COA1: variants seen among roughly 807,000 people sequenced by gnomAD.
The protein encoded by COA1 is cytochrome c oxidase assembly factor 1, also known as cytochrome c oxidase assembly factor 1 homolog.
Under a neutral mutation model 16.0 loss-of-function variants are expected in COA1, and 13 were observed. The observed-to-expected ratio is 0.81, with a 90% confidence interval of 0.53 to 1.29. COA1 has a LOEUF of 1.29. Among genes scored for constraint, COA1 ranks in the 50% most tolerant of loss-of-function variants. The pLI, the probability that COA1 is intolerant of heterozygous loss-of-function variation, is 0.00. For synonymous variants in COA1, 65 were observed against 65.7 expected, an observed-to-expected ratio of 0.99 and a Z score of 0.05; for missense variants, 179 against 177.0, an observed-to-expected ratio of 1.01 and a Z score of -0.06.
chr7:43,640,511 G>C, intron 5 of COA1, 62 bp downstream of exon 5: 1 of 1,092,978 alleles, frequency 9.1e-7, no homozygotes, highest in Non-Finnish European at 1.4e-6. Context: ...AACGGAGTTG[G>C]GGTTGCTTTC....
intron 5 of COA1, 106 bp from the exon 6 acceptor site, chr7:43,639,787 AT>A: frequency 1.3e-6 from 1 of 775,422 alleles, no homozygotes; most frequent in Non-Finnish European, 2.1e-6. Flanking sequence ...AATGCCTTAA[AT>A]TTTTTTAAAC....
At chr7:43,636,392 C>G (rs898665773), downstream of COA1, among the ~76,000 whole-genome samples, 1 of 152,210 alleles carries the variant, frequency 6.6e-6, no homozygotes, top group Non-Finnish European at 1.5e-5. Context: ...GCCCAAGCAT[C>G]CCAATGAGCA....
intron 4 of COA1, among the ~76,000 whole-genome samples, chr7:43,644,791 C>CAGACAGACAGACAGAGAGAG (rs1563229816): frequency 4.2e-5 from 1 of 23,702 alleles, no homozygotes. Context: ...GGCAGGCAGG[C>CAGACAGACAGACAGAGAGAG]AGAGAGACAG....
intron 1 of COA1, among the ~76,000 whole-genome samples, chr7:43,687,970 T>C (rs2094116788): frequency 6.6e-6 from 1 of 152,142 alleles, no homozygotes; most frequent in Non-Finnish European, 1.5e-5. Context: ...GCTGTGCTAT[T>C]CTCTTGATAG....
chr7:43,690,747 G>A (rs1445824166), intron 1 of COA1, among the ~76,000 whole-genome samples: 1 of 152,112 alleles, frequency 6.6e-6, no homozygotes, highest in East Asian at 1.9e-4. Flanking sequence ...GGCAGAGATT[G>A]TCCTAATGAA....
intron 1 of COA1, among the ~76,000 whole-genome samples, chr7:43,727,581 T>C (rs1475280725): frequency 6.6e-6 from 1 of 152,136 alleles, no homozygotes; most frequent in Non-Finnish European, 1.5e-5. Context: ...TGAACATGAA[T>C]GTTAAGTAAA....
rs191814814 is a variant in COA1, at chr7:43,688,887, T to C, written c.-38-40235A>G. Among the ~76,000 whole-genome samples, 470 of 152,362 alleles carry C rather than the reference T, an allele frequency of 3.1e-3. 2 individuals are homozygous for C. Among genetic ancestry groups the C allele is most frequent in the Middle Eastern group, 0.017 (5 of 294 alleles). On this transcript the variant is annotated intron_variant, in intron 1 of 5. Transcript: ENST00000223336. ...TTTCACTAATCTTAATATAGTGATATGGCTACATCTTGCTACAAAAAGAAC... is the reference window on the plus strand; with the variant it reads ...TTTCACTAATCTTAATATAGTGATACGGCTACATCTTGCTACAAAAAGAAC...
At chr7:43,708,184 A>C (rs1456843466) in intron 1 of COA1, among the ~76,000 whole-genome samples, 2 of 152,222 alleles carry the variant, frequency 1.3e-5, no homozygotes, top group Non-Finnish European at 2.9e-5. Context: ...AGCCTGGGCA[A>C]CAGAGCAACA....
At chr7:43,724,010 G>A (rs2095561438) in intron 1 of COA1, among the ~76,000 whole-genome samples, 1 of 152,128 alleles carries the variant, frequency 6.6e-6, no homozygotes, top group African/African-American at 2.4e-5. Context: ...TATTTAGTCT[G>A]AATTGCAATA....
chr7:43,655,834 G>A (rs1044975245), intron 1 of COA1, among the ~76,000 whole-genome samples: 15 of 152,154 alleles, frequency 9.9e-5, no homozygotes, highest in Non-Finnish European at 2.1e-4. Context: ...CCACTTTAAG[G>A]AGGCTTGGCA....
At chr7:43,659,436 T>C (rs1321968126) in intron 1 of COA1, among the ~76,000 whole-genome samples, 1 of 152,164 alleles carries the variant, frequency 6.6e-6, no homozygotes, top group African/African-American at 2.4e-5. Context: ...TCAAGGCCAT[T>C]CTCTTGTAGA....
At chr7:43,608,684 A>T (rs1386089239) in exon 7 of COA1, 1 of 235,744 alleles carries the variant, frequency 4.2e-6, no homozygotes, top group Non-Finnish European at 8.1e-6. Flanking sequence ...TAGGATTTAG[A>T]TAAGTTGAGA....
intron 1 of COA1, among the ~76,000 whole-genome samples, chr7:43,656,562 G>A (rs1399133768): frequency 6.6e-6 from 1 of 152,118 alleles, no homozygotes; most frequent in Non-Finnish European, 1.5e-5. Context: ...TGGGCATGGT[G>A]GCGCAGCCCT....
chr7:43,701,532 G>A (rs2131390353), intron 1 of COA1, among the ~76,000 whole-genome samples: 1 of 152,296 alleles, frequency 6.6e-6, no homozygotes, highest in Middle Eastern at 3.4e-3. Context: ...GCACCTGGGT[G>A]CCCATATCTT....
In COA1 at chr7:43,645,245, C is replaced by T. The variant is rs1169261060; in HGVS notation, c.264+6G>A. The stretch of plus-strand genomic sequence containing the variant: ...CAGCCTGCGGTTCGCAGGGAAAGCA[C>T]ATTACCTTGGCATCAACAATGTCCA... On this transcript the variant is annotated splice_donor_region_variant and intron_variant, in intron 4 of 5. Transcript: ENST00000223336. 1 of 1,613,820 alleles carries T rather than the reference C, an allele frequency of 6.2e-7. No individual in the cohort carries two copies. The highest frequency in any genetic ancestry group is 8.5e-7 in the Non-Finnish European group (1 of 1,179,848).
intron 4 of COA1, among the ~76,000 whole-genome samples, chr7:43,644,817 G>GAGAGAGAGAGAGAGAGAGAGACAGAGAC (rs1245137600): frequency 7.9e-6 from 1 of 126,614 alleles, no homozygotes; most frequent in Non-Finnish European, 1.9e-5. Flanking sequence ...GAGAGAGAGA[G>GAGAGAGAGAGAGAGAGAGAGACAGAGAC]AGAGAGAGAG....
chr7:43,610,759 T>C (rs1407730301), intron 6 of COA1, among the ~76,000 whole-genome samples: 3 of 152,114 alleles, frequency 2.0e-5, no homozygotes, highest in Admixed American at 2.0e-4. Context: ...AATTCATATA[T>C]GTATATATTT....
At chr7:43,720,578 A>G (rs1041454839) in intron 1 of COA1, among the ~76,000 whole-genome samples, 10 of 152,212 alleles carry the variant, frequency 6.6e-5, no homozygotes, top group African/African-American at 1.9e-4. Flanking sequence ...TGGCAGATCA[A>G]TTAGGAAGCA....
chr7:43,645,401 T>C lies in COA1; in HGVS notation c.116-2A>G. On this transcript the variant is annotated splice_acceptor_variant, in intron 3 of 5. Transcript: ENST00000223336. LOFTEE classifies it high-confidence loss of function. ...AATATAAAGCCCTGGAATGAAACTCTAAGGACGAAAGACACACTTATTTTC... is the reference window on the plus strand; with the variant it reads ...AATATAAAGCCCTGGAATGAAACTCCAAGGACGAAAGACACACTTATTTTC... 6.2e-7 allele frequency: 1 copy of C among 1,613,788 alleles called. No homozygotes were observed. Among genetic ancestry groups the C allele is most frequent in the African/African-American group, 1.3e-5 (1 of 75,032 alleles).
Sources: allele counts gnomAD v4.1 joint callset (sites outside exome capture counted in the v4.1 genomes callset), GRCh38; gene constraint gnomAD v4.1.1; transcripts MANE v1.5; gene names NCBI Gene and HGNC (gene_info 2026-07-23, HGNC 2026-07-21).